ANK2: variants seen among roughly 807,000 people sequenced by gnomAD.
The protein encoded by ANK2 is ankyrin-2.
Under a neutral mutation model 360.5 loss-of-function variants are expected in ANK2, and 83 were observed. The observed-to-expected ratio is 0.23, with a 90% confidence interval of 0.19 to 0.28. The LOEUF is 0.28. Among genes scored for constraint, ANK2 ranks in the 10% least tolerant of loss-of-function variants. ANK2 has a pLI of 1.00. For synonymous variants in ANK2, 1,740 were observed against 1,759.5 expected (o/e 0.99, Z 0.28); for missense variants, 4,201 against 4,795.7 (o/e 0.88, Z 3.66).
chr4:113,010,727 C>G (rs1561525109), intron 2 of ANK2, among the ~76,000 whole-genome samples: 1 of 152,048 alleles, frequency 6.6e-6, no homozygotes, highest in African/African-American at 2.4e-5. Context: ...CATACCCAAA[C>G]AGAGTATTTT....
chr4:113,381,581 G>A lies in ANK2; in HGVS notation c.*110G>A, dbSNP rs554162056. The A allele has an allele frequency of 1.3e-4, 216 of 1,600,296 alleles. No homozygotes were observed. In the African/African-American group the frequency reaches 1.4e-3, roughly 11 times the overall value. Reference sequence around the variant, plus strand: ...ACTAGACCAGGACGACCTCCAGCGCGATCTCCAGCAGCTCCTTCGGCATTT... The same window carrying A: ...ACTAGACCAGGACGACCTCCAGCGCAATCTCCAGCAGCTCCTTCGGCATTT... On this transcript the variant is annotated 3_prime_UTR_variant, in exon 46 of 46. Coordinates refer to ENST00000357077, the MANE Select transcript of ANK2 (RefSeq NM_001148.6).
intron 1 of ANK2, among the ~76,000 whole-genome samples, chr4:112,820,838 A>G (rs574049546): frequency 6.6e-6 from 1 of 152,004 alleles, no homozygotes; most frequent in Non-Finnish European, 1.5e-5. Context: ...TCGGGTTCAA[A>G]CAATCCTTCA....
the ANK2 span, among the ~76,000 whole-genome samples, chr4:112,786,133 C>A: frequency 6.6e-6 from 1 of 151,840 alleles, no homozygotes; most frequent in African/African-American, 2.4e-5. Context: ...TGAGCCACCA[C>A]GCACAGCCTA....
intron 2 of ANK2, among the ~76,000 whole-genome samples, chr4:113,040,729 C>T (rs2062745957): frequency 6.6e-6 from 1 of 152,000 alleles, no homozygotes; most frequent in Non-Finnish European, 1.5e-5. Context: ...TTTTAAAGCT[C>T]ATCTGTGTGA....
At chr4:112,938,701 AT>A (rs1250570321) in intron 2 of ANK2, among the ~76,000 whole-genome samples, 4 of 152,332 alleles carry the variant, frequency 2.6e-5, no homozygotes, top group Non-Finnish European at 2.9e-5. Flanking sequence ...ATAAGAAAAG[AT>A]TTAGAGGAGG....
intron 2 of ANK2, among the ~76,000 whole-genome samples, chr4:113,018,083 A>G (rs1379527005): frequency 6.6e-6 from 1 of 152,240 alleles, no homozygotes; most frequent in Non-Finnish European, 1.5e-5. Context: ...TAACAAGATG[A>G]AATGTTTAGT....
chr4:112,713,149 G>A, the ANK2 span, among the ~76,000 whole-genome samples: 2 of 152,076 alleles, frequency 1.3e-5, no homozygotes, highest in African/African-American at 4.8e-5. Context: ...AATCAGCATA[G>A]TGCCTGTAAA....
At position 113,196,380 on chromosome 4, in the gene ANK2, G is replaced by A. The variant is rs2098748461; in HGVS notation, c.199G>A (p.Ala67Thr). 1.2e-6 allele frequency: 2 copies of A among 1,613,490 alleles called. No homozygotes were observed. Among genetic ancestry groups the A allele is most frequent in the Non-Finnish European group, 1.7e-6 (2 of 1,179,828 alleles). ...TTTCTTCTCTCAGAATGGACTCAAC[G>A]CTCTCCATCTGGCTGCCAAGGAAGG... ...INTCNQNGLN[A>T]LHLAAKEGHV... The change falls in exon 3 of 46, where the codon GCT becomes ACT. Residue 67 changes from alanine (A) to threonine (T), a missense_variant. Coordinates refer to ENST00000357077, the MANE Select transcript of ANK2 (RefSeq NM_001148.6).
At chr4:112,890,556 G>GTTTTTTTTTTTTTTTTT (rs754680934) in intron 1 of ANK2, among the ~76,000 whole-genome samples, 1 of 67,456 alleles carries the variant, frequency 1.5e-5, no homozygotes, top group Non-Finnish European at 2.5e-5. Context: ...CATTTCTGTG[G>GTTTTTTTTTTTTTTTTT]TTTTTTTTTT....
At chr4:112,927,458 C>T (rs549829049) in intron 2 of ANK2, among the ~76,000 whole-genome samples, 2 of 152,218 alleles carry the variant, frequency 1.3e-5, no homozygotes, top group East Asian at 3.9e-4. Context: ...TATTTTCTTA[C>T]TCGTCACTAC....
intron 23 of ANK2, among the ~76,000 whole-genome samples, chr4:113,304,516 A>C (rs1230817915): frequency 6.6e-6 from 1 of 152,174 alleles, no homozygotes; most frequent in Non-Finnish European, 1.5e-5. Flanking sequence ...ATTATTGAGA[A>C]CTGCTAACAT....
intron 1 of ANK2, among the ~76,000 whole-genome samples, chr4:113,084,042 A>T (rs7676179): frequency 0.56 from 84,659 of 152,018 alleles, 23,928 homozygotes; most frequent in African/African-American, 0.64. Context: ...GTTTATAAAG[A>T]TGTGTTTACA....
intron 1 of ANK2, among the ~76,000 whole-genome samples, chr4:112,828,649 A>AT (rs2058991314): frequency 2.0e-5 from 3 of 152,240 alleles, no homozygotes; most frequent in Admixed American, 1.3e-4. Context: ...TCCAAAAGCA[A>AT]TTGCAACAAA....
chr4:112,988,790 A>C (rs1227547244), intron 2 of ANK2, among the ~76,000 whole-genome samples: 2 of 152,224 alleles, frequency 1.3e-5, no homozygotes, highest in African/African-American at 4.8e-5. Context: ...AATTATGTGC[A>C]TGAAGACAGG....
the ANK2 span, among the ~76,000 whole-genome samples, chr4:112,736,190 C>T: frequency 2.0e-5 from 3 of 152,060 alleles, no homozygotes; most frequent in Non-Finnish European, 4.4e-5. Context: ...GGGCTGGGCG[C>T]GGTGGCTCAT....
At chr4:113,180,760 C>T (rs1284804456) in intron 2 of ANK2, among the ~76,000 whole-genome samples, 1 of 152,130 alleles carries the variant, frequency 6.6e-6, no homozygotes, top group Non-Finnish European at 1.5e-5. Flanking sequence ...ATTAATGGAA[C>T]ATGGAATGAG....
At chr4:113,374,969 C>A in intron 45 of ANK2, 2 of 1,070,590 alleles carry the variant, frequency 1.9e-6, no homozygotes, top group Non-Finnish European at 2.3e-6. Flanking sequence ...CATCATTTGT[C>A]TTTTTATGTG....
At chr4:112,733,303 T>C in the ANK2 span, among the ~76,000 whole-genome samples, 6 of 152,122 alleles carry the variant, frequency 3.9e-5, no homozygotes, top group Non-Finnish European at 7.4e-5. Flanking sequence ...TAAGTATAAA[T>C]AATTGGGATA....
At chr4:113,346,050 T>A (rs1466499031) in intron 35 of ANK2, 28 bp downstream of exon 35, 1 of 1,611,868 alleles carries the variant, frequency 6.2e-7, no homozygotes, top group Non-Finnish European at 8.5e-7. Context: ...ATAGTGCAAT[T>A]CAGGTAGAGT....
Sources: gnomAD v4.1 joint callset for allele counts (sites outside exome capture counted in the v4.1 genomes callset) on GRCh38, gnomAD v4.1.1 for gene constraint, MANE v1.5 for transcripts, NCBI Gene and HGNC (gene_info 2026-07-23, HGNC 2026-07-21) for gene names.